PCLO: variants seen among roughly 807,000 people sequenced by gnomAD.
PCLO encodes piccolo presynaptic cytomatrix protein.
Under a neutral mutation model 427.5 loss-of-function variants are expected in PCLO, and 82 were observed. The observed-to-expected ratio is 0.19, with a 90% CI of 0.16 to 0.23. PCLO has a LOEUF of 0.23. PCLO is among the 10% of genes least tolerant of loss of function. The probability of loss-of-function intolerance (pLI) is 1.00; values close to 1 mark genes in which losing one functional copy is unlikely to be tolerated. For missense variants in PCLO, 6,239 were observed against 6,115.9 expected, an observed-to-expected ratio of 1.02 and a Z score of -0.67; for synonymous variants, 2,357 against 2,155.4, an observed-to-expected ratio of 1.09 and a Z score of -2.59.
chr7:83,001,323 C>T (rs1454194102), intron 3 of PCLO, among the ~76,000 whole-genome samples: 4 of 151,676 alleles, frequency 2.6e-5, no homozygotes, highest in Non-Finnish European at 5.9e-5. Flanking sequence ...AGAAGTAATG[C>T]CAATTATCTG....
At chr7:82,975,066 C>T (rs949524152) in intron 3 of PCLO, among the ~76,000 whole-genome samples, 5 of 152,068 alleles carry the variant, frequency 3.3e-5, no homozygotes, top group African/African-American at 9.7e-5. Context: ...CGTGAGCCAC[C>T]GTGCCCAGCA....
intron 22 of PCLO, among the ~76,000 whole-genome samples, chr7:82,765,149 G>A (rs1790507830): frequency 6.6e-6 from 1 of 151,750 alleles, no homozygotes; most frequent in Non-Finnish European, 1.5e-5. Context: ...AAATACAGAA[G>A]TTCTGAAAAA....
At position 82,960,612 on chromosome 7, in the gene PCLO, A is replaced by C. The variant is rs139354929; in HGVS notation, c.4018-3677T>G. Among the ~76,000 whole-genome samples the C allele has an allele frequency of 3.0e-3, 452 of 152,342 alleles. 2 individuals are homozygous for C. Among genetic ancestry groups the C allele is most frequent in the African/African-American group, 0.01 (435 of 41,584 alleles). On this transcript the variant is annotated intron_variant, in intron 4 of 24. Coordinates refer to ENST00000333891, the MANE Select transcript of PCLO (RefSeq NM_033026.6). The stretch of plus-strand genomic sequence containing the variant: ...ATAGCAATATGACTTTTAAAATATT[A>C]AACTAAAAATTTAAAAATGTGTATG...
chr7:83,086,488 A>G (rs1465097914), intron 3 of PCLO, among the ~76,000 whole-genome samples: 2 of 39,464 alleles, frequency 5.1e-5, no homozygotes, highest in Admixed American at 2.7e-4. Flanking sequence ...GCCAAGTTGG[A>G]AAAAAAAAAC....
In PCLO at chr7:82,949,562, G is replaced by C. The variant is rs1344162881; in HGVS notation, c.11026C>G (p.Gln3676Glu). 1.6e-5 allele frequency: 26 copies of C among 1,613,872 alleles called. No homozygotes were observed. Among genetic ancestry groups the C allele is most frequent in the Non-Finnish European group, 2.2e-5 (26 of 1,179,834 alleles). The change falls in exon 6 of 25, where the codon CAG becomes GAG. Residue 3676 changes from glutamine (Q) to glutamate (E), a missense_variant. By Grantham distance (29) the Gln-to-Glu change is conservative. Around this residue, in one of 5 missense-constraint regions of PCLO, gnomAD observed 4,677 missense variants for 4,468.4 expected, o/e 1.05. Coordinates refer to ENST00000333891, the MANE Select transcript of PCLO (RefSeq NM_033026.6). ...PASPKTAKMM[Q>E]RSMSDPKPLS... ...GGCTTGGGGTCAGACATAGAACGCT[G>C]CATCATCTTGGCTGTCTTAGGACTT... is the stretch of plus-strand genomic sequence containing the variant.
chr7:82,847,175 C>T lies in PCLO; in HGVS notation c.13727G>A (p.Ser4576Asn). The T allele has an allele frequency of 6.2e-7, 1 of 1,604,332 alleles. No individual in the cohort carries two copies. The highest frequency in any genetic ancestry group is 8.5e-7 in the Non-Finnish European group (1 of 1,173,674). The stretch of plus-strand genomic sequence containing the variant: ...TATTTCTGCTTCCCCACTTTGCTGA[C>T]TAATGATACTCTGAACTTCTTCATA... ...KTYEEVQSII[S>N]QQSGEAEICV... Residue 4576 changes from serine (S) to asparagine (N), a missense_variant, in exon 11 of 25, where the codon AGT becomes AAT. This residue lies in a region of PCLO where 877 missense variants were observed against 925.5 expected (regional missense o/e 0.95). Coordinates refer to ENST00000333891, the MANE Select transcript of PCLO (RefSeq NM_033026.6).
chr7:82,810,423 T>C (rs1791544815), intron 20 of PCLO, among the ~76,000 whole-genome samples: 1 of 147,724 alleles, frequency 6.8e-6, no homozygotes, highest in Non-Finnish European at 1.5e-5. Flanking sequence ...TTTTTGTGTC[T>C]ACTTTCTTTT....
intron 3 of PCLO, among the ~76,000 whole-genome samples, chr7:83,000,135 T>C (rs1382749887): frequency 6.7e-6 from 1 of 149,770 alleles, no homozygotes; most frequent in African/African-American, 2.4e-5. Context: ...TACAGAAAAA[T>C]ATCCTGAAAA....
intron 6 of PCLO, among the ~76,000 whole-genome samples, chr7:82,935,735 T>C (rs1027366659): frequency 1.3e-5 from 2 of 151,578 alleles, no homozygotes; most frequent in Admixed American, 6.6e-5. Flanking sequence ...TTCATTTCAA[T>C]GAAGACAGAG....
intron 16 of PCLO, among the ~76,000 whole-genome samples, chr7:82,830,124 G>T (rs2115702945): frequency 6.6e-6 from 1 of 151,868 alleles, no homozygotes; most frequent in South Asian, 2.1e-4. Flanking sequence ...AATGGATAGG[G>T]AAGTGATTTC....
intron 20 of PCLO, chr7:82,821,056 G>T: frequency 1.7e-6 from 2 of 1,150,652 alleles, no homozygotes; most frequent in Non-Finnish European, 2.1e-6. Flanking sequence ...AAAGATGAGA[G>T]CTTTAAATTT....
chr7:83,016,619 A>G (rs1788213851), intron 3 of PCLO, among the ~76,000 whole-genome samples: 1 of 152,154 alleles, frequency 6.6e-6, no homozygotes, highest in South Asian at 2.1e-4. Flanking sequence ...TACTATAGAG[A>G]GCCCTGTATG....
intron 22 of PCLO, among the ~76,000 whole-genome samples, chr7:82,768,583 TATA>T (rs1393372564): frequency 3.3e-5 from 5 of 152,232 alleles, no homozygotes; most frequent in East Asian, 1.9e-4. Context: ...AAATTTAAAA[TATA>T]ATCATTTTTT....
intron 21 of PCLO, among the ~76,000 whole-genome samples, chr7:82,803,099 G>A (rs1791390919): frequency 6.6e-6 from 1 of 151,744 alleles, no homozygotes; most frequent in African/African-American, 2.4e-5. Context: ...CAAAATTTTA[G>A]CTTATGTAAT....
rs1562896056 is a variant in PCLO, at chr7:82,978,854, ACAAACACACAC to A, written c.3301-12378_3301-12368del. The stretch of plus-strand genomic sequence containing the variant: ...ACAAGAAACACACACACACACACAC[ACAAACACACAC>A]ACACACACACACACACACACACACA... On this transcript the variant is annotated intron_variant, in intron 3 of 24. Coordinates refer to ENST00000333891, the MANE Select transcript of PCLO (RefSeq NM_033026.6). 8.0e-3 allele frequency among the ~76,000 whole-genome samples: 804 copies of A among 100,136 alleles called. 6 individuals are homozygous for A. Among genetic ancestry groups the A allele is most frequent in the African/African-American group, 0.026 (772 of 29,720 alleles). 65.7% of individuals were successfully genotyped at this position (100,136 alleles called of 152,430 possible). A position where few individuals can be genotyped will look rare whatever the true frequency, so the allele number is the denominator to read the frequency against.
At position 82,897,505 on chromosome 7, in the gene PCLO, T is replaced by C. The variant is rs150050902; in HGVS notation, c.13528+5146A>G. On this transcript the variant is annotated intron_variant, in intron 9 of 24. Transcript: ENST00000333891. ...GTGTATACACACACATACATAGGTA[T>C]AGGTATGAACAATGAATTTATAAAT... Among the ~76,000 whole-genome samples the C allele has an allele frequency of 4.3e-3, 647 of 151,674 alleles. 4 individuals are homozygous for C. Among genetic ancestry groups the C allele is most frequent in the African/African-American group, 0.014 (597 of 41,528 alleles).
chr7:82,773,436 C>T (rs1790685782), intron 22 of PCLO, among the ~76,000 whole-genome samples: 1 of 152,068 alleles, frequency 6.6e-6, no homozygotes, highest in Non-Finnish European at 1.5e-5. Flanking sequence ...TCAAATGTTC[C>T]ATTGGTCCAT....
chr7:82,832,279 G>A (rs1163467647), intron 16 of PCLO, among the ~76,000 whole-genome samples: 2 of 151,934 alleles, frequency 1.3e-5, no homozygotes, highest in Admixed American at 6.6e-5. Flanking sequence ...TTTTGAGATG[G>A]AGTCTTGCTC....
intron 22 of PCLO, among the ~76,000 whole-genome samples, chr7:82,790,124 G>A (rs548587639): frequency 6.6e-6 from 1 of 152,158 alleles, no homozygotes; most frequent in Non-Finnish European, 1.5e-5. Context: ...GCCCCTGCTT[G>A]CATTCCAGTC....
Sources: gnomAD v4.1 joint callset for allele counts (sites outside exome capture counted in the v4.1 genomes callset) on GRCh38, gnomAD v4.1.1 for gene constraint, gnomAD v4.1.1 regional missense constraint, MANE v1.5 for transcripts, NCBI Gene and HGNC (gene_info 2026-07-23, HGNC 2026-07-21) for gene names.